NHERF2: variants seen among roughly 807,000 people sequenced by gnomAD.
NHERF2 encodes NHERF family PDZ scaffold protein 2, also known as Na(+)/H(+) exchange regulatory cofactor NHE-RF2.
At chr16:2,036,910 G>A in the NHERF2 span, 1 of 1,588,710 alleles carries the variant, frequency 6.3e-7, no homozygotes, top group Non-Finnish European at 8.6e-7. Context: ...CACAGGGTGG[G>A]TGCGGTGTGG....
At chr16:2,036,415 A>C in the NHERF2 span, 3 of 1,608,830 alleles carry the variant, frequency 1.9e-6, no homozygotes, top group African/African-American at 2.7e-5. Flanking sequence ...CATAGTGACA[A>C]GTCCCGGCCC....
At chr16:2,036,754 G>A in the NHERF2 span, 3 of 1,613,100 alleles carry the variant, frequency 1.9e-6, no homozygotes, top group African/African-American at 1.3e-5. Flanking sequence ...TGGAGGGACT[G>A]CGCCATGCTG....
chr16:2,033,607 C>T, the NHERF2 span, among the ~76,000 whole-genome samples: 2 of 152,170 alleles, frequency 1.3e-5, no homozygotes, highest in African/African-American at 4.8e-5. Context: ...GCCCAGGGTA[C>T]CCCCATGCCA....
chr16:2,032,211 G>C, the NHERF2 span, among the ~76,000 whole-genome samples: 1 of 152,040 alleles, frequency 6.6e-6, no homozygotes, highest in Non-Finnish European at 1.5e-5. This position sits in a 1 kb window ranked among gnomAD's most constrained non-coding sequence, Gnocchi z 4.0. Context: ...GTAGAGACAG[G>C]GTTTCACCGT....
chr16:2,036,386 G>C, the NHERF2 span: 2 of 1,610,416 alleles, frequency 1.2e-6, no homozygotes, highest in Admixed American at 1.7e-5. Flanking sequence ...AGGGACCTCA[G>C]GGCTATGGGT....
At chr16:2,038,696 C>T in the NHERF2 span, 2 of 219,130 alleles carry the variant, frequency 9.1e-6, no homozygotes, top group Non-Finnish European at 1.8e-5. Flanking sequence ...CTACCCTGTG[C>T]GCCTGTGCCC....
At chr16:2,038,264 C>T in the NHERF2 span, 35 of 555,624 alleles carry the variant, frequency 6.3e-5, no homozygotes, top group Admixed American at 2.2e-4. Flanking sequence ...AGAGAGAGAG[C>T]GAGCGAGCGC....
the NHERF2 span, chr16:2,037,133 T>A: frequency 9.1e-7 from 1 of 1,100,664 alleles, no homozygotes; most frequent in Non-Finnish European, 1.3e-6. Context: ...CACCTCCCTT[T>A]AATGCCCCTG....
At chr16:2,033,495 T>A in the NHERF2 span, 1 of 1,468,558 alleles carries the variant, frequency 6.8e-7, no homozygotes, top group Middle Eastern at 2.0e-4. Context: ...CCTCCCGGGG[T>A]GGAAGGAGGG....
the NHERF2 span, among the ~76,000 whole-genome samples, chr16:2,032,478 CG>C: frequency 2.0e-5 from 3 of 152,190 alleles, no homozygotes; most frequent in Admixed American, 6.5e-5. The surrounding 1 kb of genome is among the most constrained non-coding windows in gnomAD (Gnocchi z 4.0). Context: ...GCTTACCTTG[CG>C]GGGATGGCTC....
the NHERF2 span, chr16:2,037,147 G>A: frequency 9.6e-7 from 1 of 1,038,466 alleles, no homozygotes; most frequent in Non-Finnish European, 1.4e-6. Flanking sequence ...GCCCCTGTGG[G>A]TCTCATCCTG....
the NHERF2 span, chr16:2,037,388 G>GC: frequency 5.2e-6 from 4 of 768,042 alleles, no homozygotes; most frequent in Middle Eastern, 6.6e-4. Flanking sequence ...CCCGGTGCCT[G>GC]CCCCGCCGCA....
At chr16:2,036,191 G>A in the NHERF2 span, 1 of 898,770 alleles carries the variant, frequency 1.1e-6, no homozygotes, top group African/African-American at 1.7e-5. Context: ...TGCCCGGAGT[G>A]TTTGCCACTG....
chr16:2,030,987 A>G, the NHERF2 span, among the ~76,000 whole-genome samples: 24 of 152,248 alleles, frequency 1.6e-4, no homozygotes, highest in Non-Finnish European at 2.2e-4. Context: ...AGGGGATATG[A>G]GTCCAGGGGT....
At chr16:2,035,368 G>GA in the NHERF2 span, 1 of 948,440 alleles carries the variant, frequency 1.1e-6, no homozygotes, top group African/African-American at 3.2e-5. Flanking sequence ...AGGTCTGAGC[G>GA]CCCCCTTGCC....
At chr16:2,038,255 G>A in the NHERF2 span, 2 of 572,556 alleles carry the variant, frequency 3.5e-6, no homozygotes, top group Non-Finnish European at 6.2e-6. Flanking sequence ...GAGAGAGACA[G>A]AGAGAGAGCG....
the NHERF2 span, chr16:2,035,368 G>GC: frequency 2.6e-5 from 25 of 948,484 alleles, no homozygotes; most frequent in African/African-American, 1.3e-4. Context: ...AGGTCTGAGC[G>GC]CCCCCTTGCC....
the NHERF2 span, chr16:2,033,331 TGCTGTCACTGTGCC>T: frequency 6.5e-7 from 1 of 1,533,090 alleles, no homozygotes; most frequent in South Asian, 1.2e-5. Flanking sequence ...GCCTGCCACT[TGCTGTCACTGTGCC>T]GCTGTCATGG....
the NHERF2 span, among the ~76,000 whole-genome samples, chr16:2,031,335 CCT>C: frequency 2.0e-5 from 3 of 152,294 alleles, no homozygotes; most frequent in Middle Eastern, 3.4e-3. Context: ...GTCCTAAGCC[CCT>C]GTCTCCAGGC....
Sources: allele counts gnomAD v4.1 joint callset (sites outside exome capture counted in the v4.1 genomes callset), GRCh38; gene constraint gnomAD v4.1.1; non-coding constraint Gnocchi (gnomAD v3.1); transcripts MANE v1.5; gene names NCBI Gene and HGNC (gene_info 2026-07-23, HGNC 2026-07-21).